USP34: variants seen among roughly 807,000 people sequenced by gnomAD.
The protein encoded by USP34 is ubiquitin carboxyl-terminal hydrolase 34.
A neutral mutation model predicts 460.3 loss-of-function variants in USP34; 70 were observed. The observed-to-expected ratio is 0.15, with a 90% CI of 0.13 to 0.19. The LOEUF is 0.19. Ranked by LOEUF, USP34 falls within the 10% of genes least tolerant of loss-of-function variation. The probability of loss-of-function intolerance (pLI) is 1.00; values close to 1 mark genes in which losing one functional copy is unlikely to be tolerated. For missense variants in USP34, 3,985 were observed against 4,236.2 expected (o/e 0.94, Z 1.65); for synonymous variants, 1,647 against 1,405.3 (o/e 1.17, Z -3.85).
At position 61,236,255 on chromosome 2, in the gene USP34, C is replaced by A; in HGVS notation, c.6843-19G>T. ...CATAAATCTAGAATTTAAAAATAAT[C>A]ATTTAAAATTCACACGTAAGATTTT... On this transcript the variant is annotated intron_variant, in intron 54 of 79. Coordinates refer to ENST00000398571, the MANE Select transcript of USP34 (RefSeq NM_014709.4). 1 of 1,600,866 alleles carries A rather than the reference C, an allele frequency of 6.2e-7. No homozygotes were observed. The highest frequency in any genetic ancestry group is 8.5e-7 in the Non-Finnish European group (1 of 1,174,018).
intron 3 of USP34, among the ~76,000 whole-genome samples, chr2:61,400,012 C>A (rs1558572300): frequency 6.6e-6 from 1 of 151,348 alleles, no homozygotes; most frequent in Non-Finnish European, 1.5e-5. Flanking sequence ...CTCCCATTTA[C>A]TACATGAGTT....
chr2:61,406,287 G>A lies in USP34; in HGVS notation c.132-159C>T, dbSNP rs540670731. Among the ~76,000 whole-genome samples the A allele has an allele frequency of 4.3e-4, 65 of 151,834 alleles. 1 individual carries two copies. Among genetic ancestry groups the A allele is most frequent in the African/African-American group, 1.4e-3 (60 of 41,398 alleles). On this transcript the variant is annotated intron_variant, in intron 2 of 79. Transcript: ENST00000398571. The stretch of plus-strand genomic sequence containing the variant: ...ACCTTAATAACATAAAGATAGCATC[G>A]CAACAACAACTGATATTTTAGTTAG...
intron 33 of USP34, among the ~76,000 whole-genome samples, chr2:61,289,296 CAA>C (rs2103973224): frequency 6.6e-6 from 1 of 152,206 alleles, no homozygotes; most frequent in South Asian, 2.1e-4. Flanking sequence ...ACGAGTGGCA[CAA>C]ACTCTTAATA....
chr2:61,196,069 ATTTTTTTTTT>A (rs71403398), intron 75 of USP34, among the ~76,000 whole-genome samples: 82 of 41,576 alleles, frequency 2.0e-3, no homozygotes, highest in African/African-American at 6.3e-3. Flanking sequence ...ACCATGCACG[ATTTTTTTTTT>A]TTTTTTTTTT....
intron 25 of USP34, among the ~76,000 whole-genome samples, chr2:61,313,871 C>G (rs1375685740): frequency 6.6e-6 from 1 of 152,006 alleles, no homozygotes; most frequent in Non-Finnish European, 1.5e-5. Flanking sequence ...TGTATCACTT[C>G]AATATCAAAC....
At chr2:61,361,566 C>CA (rs1692276782) in intron 10 of USP34, among the ~76,000 whole-genome samples, 1 of 152,156 alleles carries the variant, frequency 6.6e-6, no homozygotes, top group African/African-American at 2.4e-5. Context: ...AGGGAAAGGA[C>CA]AGTCTCTTCA....
chr2:61,461,875 G>A (rs748045490), intron 1 of USP34, among the ~76,000 whole-genome samples: 10 of 152,044 alleles, frequency 6.6e-5, no homozygotes, highest in South Asian at 4.1e-4. Flanking sequence ...GTACATTTGC[G>A]GCATTATTCA....
At chr2:61,318,041 A>T (rs2103690785) in intron 22 of USP34, among the ~76,000 whole-genome samples, 1 of 152,142 alleles carries the variant, frequency 6.6e-6, no homozygotes, top group East Asian at 1.9e-4. Context: ...AAAACTACAA[A>T]AATCAGCCGG....
At chr2:61,452,272 C>G (rs971588954) in intron 1 of USP34, among the ~76,000 whole-genome samples, 1 of 149,186 alleles carries the variant, frequency 6.7e-6, no homozygotes, top group Non-Finnish European at 1.5e-5. Context: ...CATTAAAACT[C>G]AAGAACCATG....
intron 1 of USP34, among the ~76,000 whole-genome samples, chr2:61,466,934 T>G (rs893107428): frequency 4.0e-5 from 6 of 151,880 alleles, no homozygotes; most frequent in Admixed American, 6.6e-5. Context: ...TACACTCGTT[T>G]GCCCAGGTAG....
At chr2:61,438,992 T>TA (rs1294956713) in intron 1 of USP34, among the ~76,000 whole-genome samples, 5 of 151,958 alleles carry the variant, frequency 3.3e-5, no homozygotes, top group African/African-American at 7.3e-5. Context: ...AATCACTATT[T>TA]AAAAAAAATC....
intron 2 of USP34, chr2:61,417,480 C>A: frequency 7.9e-6 from 2 of 253,722 alleles, no homozygotes; most frequent in Non-Finnish European, 1.6e-5. Context: ...AGAGACTGAC[C>A]ATAGTTAACT....
At chr2:61,229,500 C>T (rs1218090027) in intron 59 of USP34, 48 bp downstream of exon 59, 5 of 1,025,034 alleles carry the variant, frequency 4.9e-6, no homozygotes, top group South Asian at 1.8e-5. Context: ...AAAAACACCA[C>T]ACACACACAA....
intron 1 of USP34, among the ~76,000 whole-genome samples, chr2:61,435,805 G>A (rs1694796726): frequency 6.6e-6 from 1 of 152,028 alleles, no homozygotes; most frequent in Admixed American, 6.6e-5. Flanking sequence ...ACGACGGGCA[G>A]ATCACTTGAG....
At chr2:61,470,068 T>C (rs1695902040) in intron 1 of USP34, among the ~76,000 whole-genome samples, 1 of 152,220 alleles carries the variant, frequency 6.6e-6, no homozygotes, top group South Asian at 2.1e-4. Context: ...ATTTTAAAAA[T>C]AGGTATGAAG....
Position 61,266,070 on chromosome 2 carries a change from G to A in USP34, c.5531C>T (p.Ala1844Val), listed in dbSNP as rs755933214. ...TACCATCTCTACTAACAAATCGTAAGCGGCAGCTCTTGAAGAATGTGATTT... is the reference window on the plus strand; with the variant it reads ...TACCATCTCTACTAACAAATCGTAAACGGCAGCTCTTGAAGAATGTGATTT... ...KCKSHSSRAAAYDLLVEMVKG... is the reference protein window; with the variant it reads ...KCKSHSSRAAVYDLLVEMVKG... The change falls in exon 42 of 80, where the codon GCT (alanine) becomes GTT (valine). Residue 1844 changes from alanine to valine, a missense_variant. Ala to Val is a moderately conservative substitution (Grantham distance 64). Around this residue, in one of 14 missense-constraint regions of USP34, gnomAD observed 1,114 missense variants for 1,122.5 expected, o/e 0.99. Coordinates refer to ENST00000398571, the MANE Select transcript of USP34 (RefSeq NM_014709.4). 1 of 1,613,968 alleles carries A rather than the reference G, an allele frequency of 6.2e-7. No homozygotes were observed. The highest frequency in any genetic ancestry group is 8.5e-7 in the Non-Finnish European group (1 of 1,179,904).
At chr2:61,463,187 A>C (rs1695657725) in intron 1 of USP34, among the ~76,000 whole-genome samples, 1 of 151,730 alleles carries the variant, frequency 6.6e-6, no homozygotes, top group African/African-American at 2.4e-5. Context: ...ATTAAGAAAG[A>C]TTCTCAGCCG....
chr2:61,409,577 G>A (rs1275013129), intron 2 of USP34, among the ~76,000 whole-genome samples: 1 of 152,128 alleles, frequency 6.6e-6, no homozygotes, highest in African/African-American at 2.4e-5. Flanking sequence ...AGCCAGCCAT[G>A]GTGGCGGGTG....
intron 5 of USP34, among the ~76,000 whole-genome samples, chr2:61,388,451 G>A (rs1414712388): frequency 3.1e-5 from 4 of 129,990 alleles, no homozygotes; most frequent in South Asian, 2.7e-4. Context: ...GGGTACAGGG[G>A]AGTTTAAAAA....
Sources: allele counts gnomAD v4.1 joint callset (sites outside exome capture counted in the v4.1 genomes callset), GRCh38; gene constraint gnomAD v4.1.1; regional missense constraint gnomAD v4.1.1; transcripts MANE v1.5; gene names NCBI Gene and HGNC (gene_info 2026-07-23, HGNC 2026-07-21).